The following LINC00632 variants were observed in gnomAD, a reference collection of about 807,000 sequenced individuals.
LINC00632 encodes ALDOA related specific transcript.
chrX:140,783,271 T>C (rs1462851178), exon 5 of LINC00632: 4 of 304,371 alleles, frequency 1.3e-5, no homozygotes, highest in Non-Finnish European at 2.3e-5. Context: ...CAGATAATCC[T>C]GAGCTTCCAG....
At chrX:140,750,294 AAAATTTCAGTTAG>A (rs1433768520) in intron 3 of LINC00632, among the ~76,000 whole-genome samples, 1 of 111,019 alleles carries the variant, frequency 9.0e-6, no homozygotes, top group African/African-American at 3.3e-5. Context: ...CAAAGGATCC[AAAATTTCAGTTAG>A]ACAGGAGGAA....
At chrX:140,730,996 G>A (rs1295196654) in intron 2 of LINC00632, among the ~76,000 whole-genome samples, 1 of 110,003 alleles carries the variant, frequency 9.1e-6, no homozygotes, top group Non-Finnish European at 1.9e-5. Context: ...CCATCTCCCG[G>A]GTTCAAGCAC....
chrX:140,783,988 T>C lies in LINC00632; in HGVS notation n.12007T>C. On this transcript the variant is annotated non_coding_transcript_exon_variant, in exon 5 of 5. Coordinates refer to ENST00000648200, the Ensembl canonical transcript of LINC00632. ...GCCTCCAGGTCTTCCAGACTATCCA[T>C]GTCTTCCAGAAAATCCTTGTCTTCC... 5 of 1,211,289 alleles carry C rather than the reference T, an allele frequency of 4.1e-6. No homozygotes were observed. The highest frequency in any genetic ancestry group is 5.6e-6 in the Non-Finnish European group (5 of 895,315).
intron 3 of LINC00632, among the ~76,000 whole-genome samples, chrX:140,745,576 C>A (rs1408812391): frequency 9.0e-6 from 1 of 111,100 alleles, no homozygotes; most frequent in Non-Finnish European, 1.9e-5. Context: ...ATTGCATTGT[C>A]GATTCAGCCG....
chrX:140,742,877 G>GAGAGGAAGGA (rs1209141726), intron 3 of LINC00632, among the ~76,000 whole-genome samples: 1 of 94,410 alleles, frequency 1.1e-5, no homozygotes, highest in East Asian at 3.3e-4. Flanking sequence ...GAGAGAGAGA[G>GAGAGGAAGGA]AGGAAGGAAG....
At chrX:140,773,772 G>A (rs1931839325) in exon 4 of LINC00632, among the ~76,000 whole-genome samples, 2 of 111,774 alleles carry the variant, frequency 1.8e-5, no homozygotes, top group African/African-American at 3.3e-5. Context: ...CCCCCAGTAC[G>A]ACTCCACTCC....
At chrX:140,738,157 T>C (rs1931171765) in intron 3 of LINC00632, among the ~76,000 whole-genome samples, 1 of 111,599 alleles carries the variant, frequency 9.0e-6, no homozygotes, top group Admixed American at 9.6e-5. Flanking sequence ...TTGTGATTAA[T>C]GTTGAGAATA....
intron 3 of LINC00632, among the ~76,000 whole-genome samples, chrX:140,737,715 T>A (rs974659049): frequency 1.8e-5 from 2 of 112,057 alleles, no homozygotes; most frequent in Admixed American, 1.9e-4. Context: ...AGTGAGAATA[T>A]GTACTGTTTG....
chrX:140,720,815 C>A (rs981760321), intron 2 of LINC00632, among the ~76,000 whole-genome samples: 1 of 111,864 alleles, frequency 8.9e-6, no homozygotes, highest in Non-Finnish European at 1.9e-5. Context: ...TTTTTTATTT[C>A]ATAACACCAA....
chrX:140,748,323 T>C (rs1394863501), intron 3 of LINC00632, among the ~76,000 whole-genome samples: 2 of 112,434 alleles, frequency 1.8e-5, no homozygotes, highest in South Asian at 3.6e-4. Flanking sequence ...CAAATTAATA[T>C]AAATGTTTGG....
rs966818966 is a variant in LINC00632 at position 140,729,652 on chromosome X, A to G, written n.105-4226A>G. ...ATATAATTGAATCCAGAAAATCATA[A>G]TCATAAAAGTCACAGCACCTAGAAT... On this transcript the variant is annotated intron_variant and non_coding_transcript_variant, in intron 2 of 4. Coordinates refer to ENST00000648200, the Ensembl canonical transcript of LINC00632. 4.5e-5 allele frequency among the ~76,000 whole-genome samples: 5 copies of G among 110,608 alleles called. No homozygotes were observed. In the Admixed American group the frequency reaches 4.9e-4, roughly 11 times the overall value.
chrX:140,744,633 G>C (rs1322363322), intron 3 of LINC00632, among the ~76,000 whole-genome samples: 2 of 106,696 alleles, frequency 1.9e-5, no homozygotes, highest in African/African-American at 6.8e-5. Flanking sequence ...GTAGTGGTGC[G>C]ATCTTGGCTC....
intron 2 of LINC00632, among the ~76,000 whole-genome samples, chrX:140,723,181 A>T (rs1930762402): frequency 1.1e-5 from 1 of 92,443 alleles, no homozygotes; most frequent in South Asian, 4.6e-4. Flanking sequence ...AGCAGTACTC[A>T]CCTCAAATTA....
At chrX:140,753,558 CA>C (rs773538008) in intron 3 of LINC00632, among the ~76,000 whole-genome samples, 28 of 110,083 alleles carry the variant, frequency 2.5e-4, no homozygotes, top group East Asian at 2.9e-4. Flanking sequence ...ACCACATTTC[CA>C]AGACTTCTTC....
intron 2 of LINC00632, among the ~76,000 whole-genome samples, chrX:140,718,402 T>A (rs1377370227): frequency 9.6e-6 from 1 of 103,920 alleles, no homozygotes; most frequent in African/African-American, 3.7e-5. Flanking sequence ...CCATATTGAC[T>A]GCACCTATTC....
intron 2 of LINC00632, chrX:140,713,528 G>A (rs778743074): frequency 5.8e-6 from 2 of 341,988 alleles, no homozygotes; most frequent in Admixed American, 3.1e-5. Context: ...TACTAAGGGG[G>A]ACTTGCCTGG....
intron 3 of LINC00632, among the ~76,000 whole-genome samples, chrX:140,770,726 T>C (rs1336907908): frequency 8.9e-6 from 1 of 111,755 alleles, no homozygotes; most frequent in Non-Finnish European, 1.9e-5. Flanking sequence ...CATGCTCCGA[T>C]TCCCTCAGTT....
intron 3 of LINC00632, among the ~76,000 whole-genome samples, chrX:140,741,478 G>T (rs1028157263): frequency 1.8e-5 from 2 of 112,184 alleles, no homozygotes; most frequent in African/African-American, 6.5e-5. Context: ...GGGTTTGGAA[G>T]AGAGAAGAGG....
At chrX:140,769,555 T>G (rs1931754538) in intron 3 of LINC00632, among the ~76,000 whole-genome samples, 1 of 109,099 alleles carries the variant, frequency 9.2e-6, no homozygotes, top group Admixed American at 9.9e-5. Context: ...GTCAGATTAA[T>G]CCTAAATATC....
Sources: allele counts gnomAD v4.1 joint callset (sites outside exome capture counted in the v4.1 genomes callset), GRCh38; gene constraint gnomAD v4.1.1; transcripts MANE v1.5; gene names NCBI Gene and HGNC (gene_info 2026-07-23, HGNC 2026-07-21).